The following MYO1E variants were observed in gnomAD, a reference collection of about 807,000 sequenced individuals.
MYO1E encodes the protein myosin IE, also known as unconventional myosin-Ie.
Under a neutral mutation model 151.1 loss-of-function variants are expected in MYO1E, and 68 were observed. That is an observed-to-expected ratio of 0.45 (90% CI 0.37 to 0.55). The LOEUF (loss-of-function observed/expected upper bound fraction) is 0.55. MYO1E is among the 20% of genes least tolerant of loss of function. The pLI is 0.00. For missense variants in MYO1E, 1,363 were observed against 1,389.3 expected, an observed-to-expected ratio of 0.98 and a Z score of 0.30; for synonymous variants, 601 against 501.7, an observed-to-expected ratio of 1.20 and a Z score of -2.64.
chr15:59,211,137 T>C (rs1386634340), intron 12 of MYO1E, among the ~76,000 whole-genome samples: 10 of 151,134 alleles, frequency 6.6e-5, no homozygotes, highest in African/African-American at 2.4e-4. Flanking sequence ...AAGGTGGAGG[T>C]TGAAGTGAGC....
chr15:59,241,480 T>A (rs1412968747), intron 4 of MYO1E, among the ~76,000 whole-genome samples: 1 of 152,114 alleles, frequency 6.6e-6, no homozygotes, highest in Admixed American at 6.6e-5. Flanking sequence ...TCACCTTAAG[T>A]CAGGAGTTCA....
intron 16 of MYO1E, among the ~76,000 whole-genome samples, chr15:59,196,009 A>G (rs1327390593): frequency 6.6e-6 from 1 of 152,128 alleles, no homozygotes; most frequent in Non-Finnish European, 1.5e-5. Context: ...AAATCATCAA[A>G]TCCCCTACAC....
intron 6 of MYO1E, among the ~76,000 whole-genome samples, chr15:59,230,757 T>C (rs530105189): frequency 3.5e-4 from 54 of 152,316 alleles, no homozygotes; most frequent in Admixed American, 1.6e-3. Flanking sequence ...CTCTTGGAAA[T>C]AGAAGCTTCT....
rs375352309 is a variant in MYO1E, at chr15:59,149,051, TG to T, written c.3080+4538del. Among the ~76,000 whole-genome samples, 273 of 59,978 alleles carry T rather than the reference TG, an allele frequency of 4.6e-3. 1 individual carries two copies. Among genetic ancestry groups the T allele is most frequent in the African/African-American group, 0.014 (259 of 18,464 alleles). The allele number at this position is 59,978 out of a possible 152,430, so 39.3% of individuals were successfully genotyped here. A position where few individuals can be genotyped will look rare whatever the true frequency, so the allele number is the denominator to read the frequency against. On this transcript the variant is annotated intron_variant, in intron 26 of 27. Coordinates refer to ENST00000288235, the MANE Select transcript of MYO1E (RefSeq NM_004998.4). ...GGTGGATGAACTGTTTTTTTTTTTT[TG>T]TTTTTTTTTTTTTTTTTTTTTTGAG...
intron 3 of MYO1E, among the ~76,000 whole-genome samples, chr15:59,260,343 G>T (rs542400357): frequency 6.6e-6 from 1 of 152,240 alleles, no homozygotes; most frequent in Non-Finnish European, 1.5e-5. Flanking sequence ...GGTCTTTCGC[G>T]TGGCAGCCTC....
At position 59,137,103 on chromosome 15, in the gene MYO1E, C is replaced by T; in HGVS notation, c.*277G>A. On this transcript the variant is annotated 3_prime_UTR_variant, in exon 28 of 28. Coordinates refer to ENST00000288235, the MANE Select transcript of MYO1E (RefSeq NM_004998.4). Reference sequence around the variant, plus strand: ...GGTCTGAGCAGACCTCACTTGTCCTCTCACCAGGTTTAAATACAATAAATA... The same window carrying T: ...GGTCTGAGCAGACCTCACTTGTCCTTTCACCAGGTTTAAATACAATAAATA... 2.1e-6 allele frequency: 1 copy of T among 477,286 alleles called. No individual in the cohort carries two copies. Among genetic ancestry groups the T allele is most frequent in the South Asian group, 2.1e-5 (1 of 47,600 alleles). 29.6% of individuals were successfully genotyped at this position (477,286 alleles called of 1,614,324 possible).
At chr15:59,323,477 C>A (rs916096960) in intron 1 of MYO1E, among the ~76,000 whole-genome samples, 1 of 151,376 alleles carries the variant, frequency 6.6e-6, no homozygotes, top group Admixed American at 6.6e-5. Flanking sequence ...ATGGTGAAAC[C>A]CCGTCTCTAC....
At chr15:59,193,018 T>C (rs746850158) in intron 17 of MYO1E, among the ~76,000 whole-genome samples, 1 of 141,944 alleles carries the variant, frequency 7.0e-6, no homozygotes, top group Non-Finnish European at 1.5e-5. Context: ...GCTAAGGAGA[T>C]GAAGAGTCTC....
chr15:59,210,470 G>T, intron 13 of MYO1E, 44 bp downstream of exon 13: 2 of 1,305,336 alleles, frequency 1.5e-6, no homozygotes, highest in Non-Finnish European at 2.2e-6. Flanking sequence ...CTCACTTAAT[G>T]TAAACCTGTG....
At chr15:59,298,585 G>A (rs182755078) in intron 1 of MYO1E, among the ~76,000 whole-genome samples, 18 of 152,230 alleles carry the variant, frequency 1.2e-4, no homozygotes, top group African/African-American at 3.9e-4. Context: ...TCCTCCCTCG[G>A]GGTGCCTGTG....
At chr15:59,222,932 A>G in intron 9 of MYO1E, 127 bp downstream of exon 9, 3 of 1,410,248 alleles carry the variant, frequency 2.1e-6, no homozygotes, top group Non-Finnish European at 9.8e-7. Flanking sequence ...TTTGCCACAG[A>G]GGACATGTAG....
intron 22 of MYO1E, among the ~76,000 whole-genome samples, chr15:59,165,967 A>G (rs1227282880): frequency 1.3e-5 from 2 of 152,238 alleles, no homozygotes; most frequent in Non-Finnish European, 2.9e-5. Context: ...TGATTATTCA[A>G]CAGGGCTAAA....
In MYO1E at chr15:59,206,984, G is replaced by A. The variant is rs1566978498; in HGVS notation, c.1531-1499C>T. On this transcript the variant is annotated intron_variant, in intron 14 of 27. Transcript: ENST00000288235. ...GTTGTGCGGGCCAGCCAGAGAGTGAGCTCGGTGGGAGCGAATTTCCTATGC... is the reference window on the plus strand; with the variant it reads ...GTTGTGCGGGCCAGCCAGAGAGTGAACTCGGTGGGAGCGAATTTCCTATGC... 1.9e-6 allele frequency: 3 copies of A among 1,614,112 alleles called. No homozygotes were observed. In the South Asian group the frequency reaches 3.3e-5, roughly 18 times the overall value.
At chr15:59,176,973 C>A (rs2079628778) in intron 19 of MYO1E, among the ~76,000 whole-genome samples, 2 of 152,072 alleles carry the variant, frequency 1.3e-5, no homozygotes. Context: ...TTGAATATAA[C>A]CCCCTCCAAC....
intron 21 of MYO1E, among the ~76,000 whole-genome samples, chr15:59,172,398 TCA>T (rs1369473207): frequency 6.6e-6 from 1 of 152,152 alleles, no homozygotes. Flanking sequence ...TGACAACAAT[TCA>T]CACAGTGGAC....
intron 25 of MYO1E, among the ~76,000 whole-genome samples, chr15:59,155,737 CG>C (rs2079506111): frequency 6.6e-6 from 1 of 152,054 alleles, no homozygotes; most frequent in Non-Finnish European, 1.5e-5. Context: ...GAGACAGAGC[CG>C]GGTCAAGGCA....
chr15:59,246,006 G>A (rs2080127740), intron 4 of MYO1E, among the ~76,000 whole-genome samples: 1 of 152,214 alleles, frequency 6.6e-6, no homozygotes, highest in African/African-American at 2.4e-5. Context: ...GGATTTTGGA[G>A]AACAGATTAA....
At chr15:59,154,902 G>T (rs1436119869) in intron 25 of MYO1E, among the ~76,000 whole-genome samples, 1 of 152,222 alleles carries the variant, frequency 6.6e-6, no homozygotes, top group African/African-American at 2.4e-5. Flanking sequence ...GAGCTTTCAA[G>T]AGGGTGGCTC....
Position 59,372,677 on chromosome 15 carries a change from T to A in MYO1E, c.-177A>T. The A allele has an allele frequency of 1.3e-6, 1 of 761,908 alleles. No individual in the cohort carries two copies. Among genetic ancestry groups the A allele is most frequent in the Non-Finnish European group, 2.0e-6 (1 of 490,024 alleles). 47.2% of individuals were successfully genotyped at this position (761,908 alleles called of 1,614,324 possible). A position where few individuals can be genotyped will look rare whatever the true frequency, so the allele number is the denominator to read the frequency against. On this transcript the variant is annotated 5_prime_UTR_variant, in exon 1 of 28. Transcript: ENST00000288235. ...CAGAGGGGACTCCATCCAGGCGGGA[T>A]TGGCGGTGCTAGGTGAGGGCGAGAC...
Sources: gnomAD v4.1 joint callset for allele counts (sites outside exome capture counted in the v4.1 genomes callset) on GRCh38, gnomAD v4.1.1 for gene constraint, MANE v1.5 for transcripts, NCBI Gene and HGNC (gene_info 2026-07-23, HGNC 2026-07-21) for gene names.